ACAD11: variants seen among roughly 807,000 people sequenced by gnomAD.
The protein encoded by ACAD11 is acyl-Coenzyme A dehydrogenase family, member 11.
ACAD11 carries 83 observed loss-of-function variants against 102.2 expected under a neutral mutation model. The observed-to-expected ratio is 0.81, with a 90% CI of 0.68 to 0.97. ACAD11 has a LOEUF of 0.97. Among genes scored for constraint, ACAD11 ranks in the 50% least tolerant of loss-of-function variants. The probability of loss-of-function intolerance (pLI) is 0.00; values close to 1 mark genes in which losing one functional copy is unlikely to be tolerated. For missense variants in ACAD11, 901 were observed against 951.7 expected, an observed-to-expected ratio of 0.95 and a Z score of 0.70; for synonymous variants, 324 against 319.8, an observed-to-expected ratio of 1.01 and a Z score of -0.14.
chr3:132,630,337 G>A, intron 7 of ACAD11, 100 bp downstream of exon 7: 4 of 1,250,536 alleles, frequency 3.2e-6, no homozygotes, highest in East Asian at 2.6e-5. Context: ...TAAGCCAAAT[G>A]ATCTAAGGAT....
intron 13 of ACAD11, among the ~76,000 whole-genome samples, chr3:132,595,960 T>C (rs1355680474): frequency 6.6e-6 from 1 of 152,108 alleles, no homozygotes; most frequent in Non-Finnish European, 1.5e-5. Context: ...TATTCTATTA[T>C]AAAGACACAT....
At chr3:132,603,583 A>G (rs762885984) in intron 12 of ACAD11, among the ~76,000 whole-genome samples, 5 of 152,204 alleles carry the variant, frequency 3.3e-5, no homozygotes, top group Non-Finnish European at 7.3e-5. Context: ...TCACTGATAT[A>G]TGATTTGGGA....
chr3:132,588,659 A>G (rs1394458863), intron 13 of ACAD11, among the ~76,000 whole-genome samples: 1 of 152,184 alleles, frequency 6.6e-6, no homozygotes, highest in Non-Finnish European at 1.5e-5. Flanking sequence ...GATTCCTTCA[A>G]ATTTAATGGA....
chr3:132,615,917 G>A lies in ACAD11; in HGVS notation c.1414+2717C>T, dbSNP rs148069082. 3.2e-3 allele frequency among the ~76,000 whole-genome samples: 481 copies of A among 152,224 alleles called. 1 individual carries two copies. Among genetic ancestry groups the A allele is most frequent in the Non-Finnish European group, 4.7e-3 (320 of 68,028 alleles). ...TACAATATTGTATGACTTATTGAAGGGGGGAAAAAGGGCAAACTGGAAGAC... is the reference window on the plus strand; with the variant it reads ...TACAATATTGTATGACTTATTGAAGAGGGGAAAAAGGGCAAACTGGAAGAC... On this transcript the variant is annotated intron_variant, in intron 11 of 19. Coordinates refer to ENST00000264990, the MANE Select transcript of ACAD11 (RefSeq NM_032169.5).
chr3:132,612,041 A>T (rs1939176371), intron 11 of ACAD11, among the ~76,000 whole-genome samples: 1 of 152,054 alleles, frequency 6.6e-6, no homozygotes, highest in African/African-American at 2.4e-5. Context: ...AGACCAATGG[A>T]ACAGAACAGA....
intron 9 of ACAD11, among the ~76,000 whole-genome samples, chr3:132,624,274 T>C (rs187954787): frequency 1.4e-5 from 2 of 145,856 alleles, no homozygotes; most frequent in East Asian, 4.1e-4. Context: ...TCACACACTC[T>C]AGCTTGGAGA....
chr3:132,611,218 G>C (rs533190917), intron 11 of ACAD11, among the ~76,000 whole-genome samples: 1 of 152,134 alleles, frequency 6.6e-6, no homozygotes, highest in Non-Finnish European at 1.5e-5. Context: ...TCAATGGGAC[G>C]TATCTCAAAA....
intron 18 of ACAD11, 34 bp downstream of exon 18, chr3:132,561,067 C>G (rs1409790763): frequency 2.6e-6 from 4 of 1,520,448 alleles, no homozygotes; most frequent in African/African-American, 2.7e-5. Context: ...GAAGGCTCAG[C>G]AGTTGGTGGT....
intron 9 of ACAD11, among the ~76,000 whole-genome samples, chr3:132,625,074 C>T (rs78431560): frequency 0.03 from 4,523 of 152,238 alleles, 202 homozygotes; most frequent in African/African-American, 0.1. Flanking sequence ...CCGAAGCAGT[C>T]GTCCACCTGC....
At chr3:132,633,208 G>A (rs1331506127) in intron 5 of ACAD11, among the ~76,000 whole-genome samples, 1 of 152,146 alleles carries the variant, frequency 6.6e-6, no homozygotes, top group Admixed American at 6.5e-5. Flanking sequence ...TTGGCTGTGG[G>A]TTTGTCATAG....
rs778814949 is a variant in ACAD11, at chr3:132,559,021, C to T, written c.2293G>A (p.Ala765Thr). The change falls in exon 20 of 20, where the codon GCA becomes ACA. Residue 765 changes from alanine to threonine, a missense_variant. Coordinates refer to ENST00000264990, the MANE Select transcript of ACAD11 (RefSeq NM_032169.5). ...GCTTGGTCCCGCAGCTCCATTGTTG[C>T]GATTGCTGAAAGATGAACTTCGTCA... ...GPDEVHLSAIATMELRDQAKR... is the reference protein window; with the variant it reads ...GPDEVHLSAITTMELRDQAKR... The T allele has an allele frequency of 1.9e-5, 31 of 1,613,458 alleles. No individual in the cohort carries two copies. The African/African-American group carries it at 2.4e-4, about 13-fold the overall frequency.
intron 17 of ACAD11, among the ~76,000 whole-genome samples, chr3:132,574,867 G>A (rs143856950): frequency 2.0e-5 from 3 of 152,008 alleles, no homozygotes; most frequent in Admixed American, 2.0e-4. Context: ...ACAGAGTCTC[G>A]CTCTGTCGCC....
At chr3:132,591,768 G>A (rs983526255) in intron 13 of ACAD11, among the ~76,000 whole-genome samples, 5 of 152,032 alleles carry the variant, frequency 3.3e-5, no homozygotes, top group African/African-American at 1.2e-4. Flanking sequence ...CAGCACATCT[G>A]TAGTCCCAGC....
intron 1 of ACAD11, among the ~76,000 whole-genome samples, chr3:132,656,849 G>GTT (rs200968218): frequency 6.9e-6 from 1 of 143,926 alleles, no homozygotes; most frequent in African/African-American, 2.5e-5. Context: ...TCATTGTGTT[G>GTT]TTTTTTTTTT....
At chr3:132,614,631 G>A (rs1405073597) in intron 11 of ACAD11, among the ~76,000 whole-genome samples, 1 of 152,152 alleles carries the variant, frequency 6.6e-6, no homozygotes, top group East Asian at 1.9e-4. Context: ...TATGCAGAAA[G>A]CTGAAACTGG....
At chr3:132,627,221 T>C (rs185426113) in intron 8 of ACAD11, 1 of 154,788 alleles carries the variant, frequency 6.5e-6, no homozygotes, top group African/African-American at 2.4e-5. Context: ...AGCTCAAGTG[T>C]GGTAGCCTGG....
rs554425504 is a variant in ACAD11, at chr3:132,592,869, T to G, written c.1621+10360A>C. ...AAAAATCCCATGTGTTCTCTTAGAG[T>G]GTGTGTTATTTTTAACAGGGAAATC... On this transcript the variant is annotated intron_variant, in intron 13 of 19. Transcript: ENST00000264990. Among the ~76,000 whole-genome samples, 9 of 152,182 alleles carry G rather than the reference T, an allele frequency of 5.9e-5. No individual in the cohort carries two copies. The East Asian group carries it at 1.5e-3, about 26-fold the overall frequency.
At chr3:132,646,846 G>C (rs1258521198) in intron 1 of ACAD11, among the ~76,000 whole-genome samples, 1 of 152,128 alleles carries the variant, frequency 6.6e-6, no homozygotes, top group African/African-American at 2.4e-5. Flanking sequence ...AGTCACAAAA[G>C]ACTACATATT....
intron 1 of ACAD11, among the ~76,000 whole-genome samples, chr3:132,652,344 CTG>C (rs1455983946): frequency 1.3e-5 from 2 of 152,218 alleles, no homozygotes; most frequent in African/African-American, 4.8e-5. Context: ...CCATGTGGAA[CTG>C]TGAGTCCATT....
Sources: gnomAD v4.1 joint callset for allele counts (sites outside exome capture counted in the v4.1 genomes callset) on GRCh38, gnomAD v4.1.1 for gene constraint, MANE v1.5 for transcripts, NCBI Gene and HGNC (gene_info 2026-07-23, HGNC 2026-07-21) for gene names.